MAGI2: variants seen among roughly 807,000 people sequenced by gnomAD.
MAGI2 encodes membrane-associated guanylate kinase, WW and PDZ domain-containing protein 2.
Under a neutral mutation model 133.3 loss-of-function variants are expected in MAGI2, and 35 were observed. That is an observed-to-expected ratio of 0.26 (90% CI 0.20 to 0.35). The LOEUF is 0.35. Ranked by LOEUF, MAGI2 falls within the 10% of genes least tolerant of loss-of-function variation. MAGI2 has a pLI of 1.00. For synonymous variants in MAGI2, 729 were observed against 710.6 expected (o/e 1.03, Z -0.41); for missense variants, 1,636 against 1,863.4 (o/e 0.88, Z 2.25).
At chr7:78,137,232 C>T (rs1019414483) in intron 16 of MAGI2, among the ~76,000 whole-genome samples, 5 of 152,298 alleles carry the variant, frequency 3.3e-5, no homozygotes, top group South Asian at 2.1e-4. Context: ...ATGATTTGGT[C>T]TCCCTGGCCA....
intron 1 of MAGI2, among the ~76,000 whole-genome samples, chr7:79,189,174 A>G (rs957924030): frequency 5.3e-5 from 8 of 151,626 alleles, no homozygotes; most frequent in African/African-American, 1.9e-4. Flanking sequence ...TAGTAATTTG[A>G]TACATTTTGA....
intron 4 of MAGI2, among the ~76,000 whole-genome samples, chr7:78,520,925 G>A (rs1441474597): frequency 1.3e-5 from 2 of 152,132 alleles, no homozygotes; most frequent in African/African-American, 2.4e-5. Flanking sequence ...TGGGCATTCT[G>A]CAGTTGTAGC....
intron 1 of MAGI2, among the ~76,000 whole-genome samples, chr7:79,263,327 T>C (rs1834212379): frequency 6.6e-6 from 1 of 152,026 alleles, no homozygotes; most frequent in Admixed American, 6.6e-5. Context: ...TAATTAATCC[T>C]ATTTCACCGG....
intron 6 of MAGI2, among the ~76,000 whole-genome samples, chr7:78,439,636 A>G (rs1787401285): frequency 6.6e-6 from 1 of 152,214 alleles, no homozygotes; most frequent in Admixed American, 6.5e-5. Flanking sequence ...AGCTAAAATT[A>G]AAGCATACTT....
At chr7:79,095,513 G>A (rs1817441007) in intron 1 of MAGI2, among the ~76,000 whole-genome samples, 1 of 152,146 alleles carries the variant, frequency 6.6e-6, no homozygotes, top group Admixed American at 6.5e-5. Flanking sequence ...TTTAAAGTAA[G>A]AGACATGTGA....
At chr7:79,404,333 TCTC>T (rs1395338349) in intron 1 of MAGI2, among the ~76,000 whole-genome samples, 1 of 151,996 alleles carries the variant, frequency 6.6e-6, no homozygotes, top group Non-Finnish European at 1.5e-5. Flanking sequence ...TCCTTCCCCT[TCTC>T]CTACTTATTT....
intron 21 of MAGI2, 74 bp downstream of exon 21, chr7:78,078,873 T>C (rs1341584972): frequency 6.3e-7 from 1 of 1,575,918 alleles, no homozygotes; most frequent in Non-Finnish European, 8.7e-7. Context: ...ACTGATGTAG[T>C]TTTATAAATA....
At chr7:78,227,034 G>A (rs1396045854) in intron 10 of MAGI2, among the ~76,000 whole-genome samples, 1 of 152,190 alleles carries the variant, frequency 6.6e-6, no homozygotes, top group Admixed American at 6.5e-5. Context: ...AGACTTAAAA[G>A]AGCTTTAAGA....
rs560406762 is a variant in MAGI2, at chr7:78,262,553, C to G, written c.1409-5972G>C. On this transcript the variant is annotated intron_variant, in intron 9 of 21. Coordinates refer to ENST00000354212, the MANE Select transcript of MAGI2 (RefSeq NM_012301.4). Reference sequence around the variant, plus strand: ...AAACTTTCTAGCATGACATATGAGGCTCTCAGAGCACTGACTTAGAAGTCA... The same window carrying G: ...AAACTTTCTAGCATGACATATGAGGGTCTCAGAGCACTGACTTAGAAGTCA... Among the ~76,000 whole-genome samples, 5 of 152,232 alleles carry G rather than the reference C, an allele frequency of 3.3e-5. No individual in the cohort carries two copies. In the South Asian group the frequency reaches 1.0e-3, roughly 32 times the overall value.
chr7:78,321,431 A>G (rs1787994163), intron 9 of MAGI2, among the ~76,000 whole-genome samples: 1 of 152,220 alleles, frequency 6.6e-6, no homozygotes, highest in South Asian at 2.1e-4. Flanking sequence ...GATATAGACC[A>G]GTGGAACAGA....
intron 6 of MAGI2, among the ~76,000 whole-genome samples, chr7:78,446,221 C>A (rs1322982418): frequency 6.6e-6 from 1 of 151,842 alleles, no homozygotes; most frequent in Non-Finnish European, 1.5e-5. Context: ...TAATGAGATA[C>A]AAGGAAGGAG....
rs138104821 is a variant in MAGI2, at chr7:79,058,150, C to T, written c.302-50944G>A. On this transcript the variant is annotated intron_variant, in intron 1 of 21. Coordinates refer to ENST00000354212, the MANE Select transcript of MAGI2 (RefSeq NM_012301.4). ...ACTGAGAGAACAACAAGGCAAAAGA[C>T]CAGGGAAAATGCGATGGGATACAAA... Among the ~76,000 whole-genome samples, 555 of 151,894 alleles carry T rather than the reference C, an allele frequency of 3.7e-3. 4 individuals are homozygous for T. The highest frequency in any genetic ancestry group is 3.9e-3 in the Non-Finnish European group (265 of 67,876).
At chr7:78,138,630 C>CAT (rs879259721) in intron 16 of MAGI2, among the ~76,000 whole-genome samples, 13,953 of 70,938 alleles carry the variant, frequency 0.2, 786 homozygotes, top group Non-Finnish European at 0.27. Context: ...TAGATTCACA[C>CAT]ACACACACAC....
At chr7:78,514,601 G>T (rs899439826) in intron 4 of MAGI2, among the ~76,000 whole-genome samples, 5 of 152,148 alleles carry the variant, frequency 3.3e-5, no homozygotes, top group African/African-American at 9.7e-5. Context: ...TACACAAATC[G>T]CAGTCTCTGT....
chr7:78,085,456 G>C (rs983341110), intron 20 of MAGI2, among the ~76,000 whole-genome samples: 1 of 151,912 alleles, frequency 6.6e-6, no homozygotes, highest in African/African-American at 2.4e-5. Context: ...CCAGGAGTTC[G>C]AGGCTGCAGT....
chr7:79,275,965 C>T (rs1835201519), intron 1 of MAGI2, among the ~76,000 whole-genome samples: 1 of 152,146 alleles, frequency 6.6e-6, no homozygotes, highest in African/African-American at 2.4e-5. Flanking sequence ...TGACAATGCA[C>T]CTGGTCACCC....
At chr7:78,353,954 C>A (rs1791794050) in intron 7 of MAGI2, among the ~76,000 whole-genome samples, 1 of 152,126 alleles carries the variant, frequency 6.6e-6, no homozygotes, top group Non-Finnish European at 1.5e-5. Context: ...AATGGAACTG[C>A]AGCTTTTAAG....
intron 21 of MAGI2, among the ~76,000 whole-genome samples, chr7:78,052,927 A>G (rs572978566): frequency 6.6e-6 from 1 of 152,266 alleles, no homozygotes; most frequent in African/African-American, 2.4e-5. Flanking sequence ...CCAATAGGAG[A>G]CTGCTTAAAT....
chr7:78,036,877 G>A (rs1031239092), intron 21 of MAGI2, among the ~76,000 whole-genome samples: 1 of 152,318 alleles, frequency 6.6e-6, no homozygotes, highest in African/African-American at 2.4e-5. Flanking sequence ...GCCTCCCAAA[G>A]TGCTGAGATT....
Sources: allele counts gnomAD v4.1 joint callset (sites outside exome capture counted in the v4.1 genomes callset), GRCh38; gene constraint gnomAD v4.1.1; transcripts MANE v1.5; gene names NCBI Gene and HGNC (gene_info 2026-07-23, HGNC 2026-07-21).